Variants in CDH8 observed in about 807,000 individuals in gnomAD.
CDH8 encodes the protein cadherin 8.
CDH8 carries 17 observed loss-of-function variants against 68.1 expected under a neutral mutation model. That is an observed-to-expected ratio of 0.25 (90% CI 0.17 to 0.37). CDH8 has a LOEUF of 0.37. Ranked by LOEUF, CDH8 falls within the 10% of genes least tolerant of loss-of-function variation. The pLI is 1.00. For synonymous variants in CDH8, 372 were observed against 365.1 expected (o/e 1.02, Z -0.21); for missense variants, 763 against 999.3 (o/e 0.76, Z 3.19).
chr16:61,984,919 G>A (rs908128932), intron 2 of CDH8, among the ~76,000 whole-genome samples: 3 of 151,876 alleles, frequency 2.0e-5, no homozygotes, highest in Non-Finnish European at 2.9e-5. Flanking sequence ...CCATCCTTTC[G>A]TCATTGACCT....
intron 7 of CDH8, among the ~76,000 whole-genome samples, chr16:61,814,891 G>T (rs1212715112): frequency 6.6e-6 from 1 of 152,162 alleles, no homozygotes; most frequent in Non-Finnish European, 1.5e-5. Context: ...GGAGGTGGGG[G>T]CAGAGGACTG....
intron 9 of CDH8, among the ~76,000 whole-genome samples, chr16:61,717,063 T>C (rs1476802863): frequency 1.3e-5 from 2 of 151,626 alleles, no homozygotes; most frequent in Non-Finnish European, 3.0e-5. Context: ...GCTGGTTTTT[T>C]CAAGTAATTT....
intron 1 of CDH8, among the ~76,000 whole-genome samples, chr16:62,035,497 C>T (rs1355662196): frequency 6.6e-6 from 1 of 152,146 alleles, no homozygotes; most frequent in East Asian, 1.9e-4. Context: ...GCTGGAGCTG[C>T]CACTTGTGGG....
intron 5 of CDH8, 77 bp from the exon 6 acceptor site, chr16:61,821,190 G>A: frequency 8.5e-7 from 1 of 1,175,744 alleles, no homozygotes; most frequent in Non-Finnish European, 1.2e-6. Flanking sequence ...TATCTTTTGG[G>A]CACCTCCTTT....
intron 2 of CDH8, among the ~76,000 whole-genome samples, chr16:61,951,596 T>A (rs75899050): frequency 6.6e-6 from 1 of 152,212 alleles, no homozygotes; most frequent in Non-Finnish European, 1.5e-5. Flanking sequence ...TAAAAAACTG[T>A]CCTAGGTTAT....
intron 10 of CDH8, among the ~76,000 whole-genome samples, chr16:61,689,682 C>T (rs1964180060): frequency 6.6e-6 from 1 of 152,004 alleles, no homozygotes; most frequent in African/African-American, 2.4e-5. Flanking sequence ...GCAATACTTA[C>T]TATGTGTTCA....
At chr16:61,968,870 C>T (rs1474793640) in intron 2 of CDH8, among the ~76,000 whole-genome samples, 1 of 152,228 alleles carries the variant, frequency 6.6e-6, no homozygotes, top group Non-Finnish European at 1.5e-5. Flanking sequence ...TGAAGCCTGA[C>T]AAGGTGCAGG....
chr16:61,754,452 T>C (rs1295806952), intron 8 of CDH8, among the ~76,000 whole-genome samples: 1 of 152,138 alleles, frequency 6.6e-6, no homozygotes, highest in Admixed American at 6.6e-5. Context: ...CATGAACTGA[T>C]GAGTCAAAGG....
chr16:61,726,986 G>T, intron 9 of CDH8, 108 bp downstream of exon 9: 1 of 1,180,814 alleles, frequency 8.5e-7, no homozygotes, highest in Non-Finnish European at 1.2e-6. Context: ...TCTTGCCTGA[G>T]ACTTTGCAGA....
At chr16:61,776,780 G>A (rs1366170927) in intron 8 of CDH8, among the ~76,000 whole-genome samples, 2 of 151,948 alleles carry the variant, frequency 1.3e-5, no homozygotes, top group Admixed American at 6.6e-5. Flanking sequence ...AGTTAGGCAA[G>A]ATTATAGCTC....
At chr16:61,872,687 T>A (rs1034053012) in intron 3 of CDH8, among the ~76,000 whole-genome samples, 12 of 152,166 alleles carry the variant, frequency 7.9e-5, no homozygotes, top group Non-Finnish European at 1.5e-4. Flanking sequence ...AGCTCCCCAT[T>A]CCCATCACAG....
intron 10 of CDH8, among the ~76,000 whole-genome samples, chr16:61,684,796 C>A (rs1964077119): frequency 6.6e-6 from 1 of 151,952 alleles, no homozygotes; most frequent in Admixed American, 6.6e-5. Flanking sequence ...ATTCATCTCC[C>A]TTATTTTCCA....
intron 2 of CDH8, among the ~76,000 whole-genome samples, chr16:61,978,861 C>T (rs1476308798): frequency 2.6e-5 from 4 of 152,080 alleles, no homozygotes; most frequent in Admixed American, 2.6e-4. Context: ...AACACACATG[C>T]TGTTTTTGCC....
At chr16:61,929,397 T>A (rs915350094) in intron 2 of CDH8, among the ~76,000 whole-genome samples, 8 of 152,272 alleles carry the variant, frequency 5.3e-5, no homozygotes, top group African/African-American at 1.9e-4. Context: ...AAAATCTGAC[T>A]ACAAAAGGTT....
intron 1 of CDH8, 71 bp from the exon 2 acceptor site, chr16:62,021,673 A>G: frequency 1.2e-6 from 1 of 850,512 alleles, no homozygotes; most frequent in Non-Finnish European, 1.6e-6. Context: ...ACTGCTTTTC[A>G]AAAGCACCTG....
chr16:61,898,471 G>C (rs1963908303), intron 3 of CDH8, among the ~76,000 whole-genome samples: 1 of 152,080 alleles, frequency 6.6e-6, no homozygotes, highest in Non-Finnish European at 1.5e-5. Flanking sequence ...TCATATTGTA[G>C]GTAGGTAAGA....
intron 8 of CDH8, among the ~76,000 whole-genome samples, chr16:61,755,802 C>T (rs1194854990): frequency 6.6e-6 from 1 of 151,648 alleles, no homozygotes; most frequent in Non-Finnish European, 1.5e-5. Flanking sequence ...CCTTCTTCTT[C>T]TTCTTCTCCT....
intron 7 of CDH8, among the ~76,000 whole-genome samples, chr16:61,811,680 T>A (rs1289317246): frequency 6.6e-6 from 1 of 152,158 alleles, no homozygotes; most frequent in Non-Finnish European, 1.5e-5. Context: ...AAATGTGGTA[T>A]AGAGAGACAT....
chr16:61,997,659 A>G (rs898549987), intron 2 of CDH8, among the ~76,000 whole-genome samples: 7 of 152,324 alleles, frequency 4.6e-5, no homozygotes, highest in African/African-American at 1.7e-4. Flanking sequence ...GACAGACACC[A>G]TCTCAACCAG....
Sources: allele counts gnomAD v4.1 joint callset (sites outside exome capture counted in the v4.1 genomes callset), GRCh38; gene constraint gnomAD v4.1.1; transcripts MANE v1.5; gene names NCBI Gene and HGNC (gene_info 2026-07-23, HGNC 2026-07-21).